The following ETV6 variants were observed in gnomAD, a reference collection of about 807,000 sequenced individuals.
The protein encoded by ETV6 is ETS variant transcription factor 6.
In ETV6, 16 loss-of-function variants were observed where a neutral mutation model predicts 51.1. The observed-to-expected ratio is 0.31, with a 90% CI of 0.21 to 0.48. The LOEUF (loss-of-function observed/expected upper bound fraction) is 0.48. Ranked by LOEUF, ETV6 falls within the 20% of genes least tolerant of loss-of-function variation. The probability of loss-of-function intolerance (pLI) is 0.99; values close to 1 mark genes in which losing one functional copy is unlikely to be tolerated. For synonymous variants in ETV6, 240 were observed against 224.1 expected, an observed-to-expected ratio of 1.07 and a Z score of -0.64; for missense variants, 458 against 594.8, an observed-to-expected ratio of 0.77 and a Z score of 2.39.
rs148815056 is a variant in ETV6, at chr12:11,758,969, C to A, written c.163+6390C>A. Among the ~76,000 whole-genome samples, 517 of 152,282 alleles carry A rather than the reference C, an allele frequency of 3.4e-3. 2 individuals carry two copies. Among genetic ancestry groups the A allele is most frequent in the Non-Finnish European group, 6.8e-3 (465 of 68,028 alleles). On this transcript the variant is annotated intron_variant, in intron 2 of 7. Coordinates refer to ENST00000396373, the MANE Select transcript of ETV6 (RefSeq NM_001987.5). ...GCGGCACATGTGGCTGTACGAGGGC[C>A]CTGGTTAGCTGCTTCAAACAGCTTG... is the stretch of plus-strand genomic sequence containing the variant.
At chr12:11,714,365 T>G (rs1430659148) in intron 1 of ETV6, among the ~76,000 whole-genome samples, 1 of 152,196 alleles carries the variant, frequency 6.6e-6, no homozygotes, top group African/African-American at 2.4e-5. Flanking sequence ...TGGGCTTGCC[T>G]CCAGTTCTCT....
intron 1 of ETV6, among the ~76,000 whole-genome samples, chr12:11,660,491 C>T (rs147557725): frequency 0.015 from 2,165 of 147,812 alleles, 44 homozygotes; most frequent in African/African-American, 0.052. Context: ...CCCAGCTACT[C>T]GGGAGGCTGA....
chr12:11,795,065 A>T (rs774127150), intron 2 of ETV6, among the ~76,000 whole-genome samples: 1 of 152,250 alleles, frequency 6.6e-6, no homozygotes, highest in Non-Finnish European at 1.5e-5. Context: ...CTGTTCAGGG[A>T]TAGTCTAAGA....
At chr12:11,789,856 T>C (rs1945554668) in intron 2 of ETV6, among the ~76,000 whole-genome samples, 1 of 152,288 alleles carries the variant, frequency 6.6e-6, no homozygotes, top group East Asian at 1.9e-4. Context: ...GGAAGCATTT[T>C]TTTATTCCCC....
chr12:11,685,322 GAAA>G (rs542402101), intron 1 of ETV6, among the ~76,000 whole-genome samples: 2 of 94,154 alleles, frequency 2.1e-5, no homozygotes, highest in African/African-American at 8.0e-5. Context: ...GAACATTTCA[GAAA>G]AAAAAAAAAA....
intron 1 of ETV6, among the ~76,000 whole-genome samples, chr12:11,688,488 T>C (rs1326191708): frequency 6.6e-6 from 1 of 152,174 alleles, no homozygotes; most frequent in Non-Finnish European, 1.5e-5. Flanking sequence ...AAGGGATGGA[T>C]ATCTACAAAA....
chr12:11,733,238 C>T (rs754936199), intron 1 of ETV6, among the ~76,000 whole-genome samples: 4 of 151,988 alleles, frequency 2.6e-5, no homozygotes, highest in Non-Finnish European at 5.9e-5. Context: ...GAAACCCTGT[C>T]TCTACTAAAA....
intron 1 of ETV6, among the ~76,000 whole-genome samples, chr12:11,660,230 G>A (rs185004612): frequency 1.3e-5 from 2 of 152,274 alleles, no homozygotes; most frequent in African/African-American, 2.4e-5. Context: ...AATAAGTATG[G>A]TCTCAAGCCT....
At chr12:11,786,310 G>A (rs1945483160) in intron 2 of ETV6, among the ~76,000 whole-genome samples, 1 of 145,950 alleles carries the variant, frequency 6.9e-6, no homozygotes, top group Non-Finnish European at 1.5e-5. Context: ...CACAAAATCT[G>A]TTATCAATTA....
At chr12:11,721,353 G>C (rs1265936274) in intron 1 of ETV6, among the ~76,000 whole-genome samples, 2 of 152,130 alleles carry the variant, frequency 1.3e-5, no homozygotes, top group Non-Finnish European at 2.9e-5. Context: ...TTTTAATGTG[G>C]TACATATACA....
chr12:11,759,785 G>A lies in ETV6; in HGVS notation c.163+7206G>A, dbSNP rs561733272. Among the ~76,000 whole-genome samples, 124 of 149,222 alleles carry A rather than the reference G, an allele frequency of 8.3e-4. 1 individual carries two copies. In the East Asian group the frequency reaches 0.021, roughly 25 times the overall value. ...AAAGGTTCAGTGTGTTGGCTTGAAT[G>A]TGCTTCTCTAAGTTACTTCTCACCT... On this transcript the variant is annotated intron_variant, in intron 2 of 7. Transcript: ENST00000396373.
intron 1 of ETV6, among the ~76,000 whole-genome samples, chr12:11,737,344 A>G (rs888184644): frequency 3.3e-5 from 5 of 152,324 alleles, no homozygotes; most frequent in African/African-American, 1.2e-4. Flanking sequence ...TAGACTCTGC[A>G]CGCAGTTCTA....
At chr12:11,704,866 A>T (rs1172889215) in intron 1 of ETV6, among the ~76,000 whole-genome samples, 1 of 152,180 alleles carries the variant, frequency 6.6e-6, no homozygotes, top group African/African-American at 2.4e-5. Flanking sequence ...ATTAAGCCTT[A>T]AAAAAGGAGA....
intron 1 of ETV6, among the ~76,000 whole-genome samples, chr12:11,725,999 G>A (rs1828127889): frequency 6.6e-6 from 1 of 152,170 alleles, no homozygotes; most frequent in South Asian, 2.1e-4. Context: ...ACATGACTAA[G>A]ACAGTTAACT....
In ETV6 at chr12:11,696,504, G is replaced by A. The variant is rs183169592; in HGVS notation, c.33+46344G>A. Among the ~76,000 whole-genome samples, 106 of 152,226 alleles carry A rather than the reference G, an allele frequency of 7.0e-4. 1 individual carries two copies. Among genetic ancestry groups the A allele is most frequent in the African/African-American group, 2.4e-3 (101 of 41,524 alleles). ...CATCTAAAGTACCAATAACCCACCT[G>A]GCCCATAGTAAATGCTCAATAAATA... is the stretch of plus-strand genomic sequence containing the variant. On this transcript the variant is annotated intron_variant, in intron 1 of 7. Coordinates refer to ENST00000396373, the MANE Select transcript of ETV6 (RefSeq NM_001987.5).
At chr12:11,850,990 T>C (rs1413057630) in intron 3 of ETV6, among the ~76,000 whole-genome samples, 1 of 152,176 alleles carries the variant, frequency 6.6e-6, no homozygotes, top group Admixed American at 6.5e-5. Context: ...TTAACCCTCA[T>C]AGCAAATGCT....
chr12:11,818,785 C>T (rs913570417), intron 2 of ETV6, among the ~76,000 whole-genome samples: 1 of 151,936 alleles, frequency 6.6e-6, no homozygotes. Flanking sequence ...GTTCTGGAGT[C>T]CCTCCTACCC....
intron 1 of ETV6, among the ~76,000 whole-genome samples, chr12:11,697,489 T>A (rs1055658690): frequency 6.6e-6 from 1 of 152,246 alleles, no homozygotes; most frequent in African/African-American, 2.4e-5. Flanking sequence ...TTGACTTCTG[T>A]GGGCCTTGCA....
At position 11,891,003 on chromosome 12, in the gene ETV6, C is replaced by T; in HGVS notation, c.1316C>T (p.Ser439Phe). ...GRTDRLEHLE[S>F]QELDEQIYQE... Reference sequence around the variant, plus strand: ...ACAGACCGTCTGGAGCACCTAGAGTCCCAGGAGCTGGATGAACAAATATAC... The same window carrying T: ...ACAGACCGTCTGGAGCACCTAGAGTTCCAGGAGCTGGATGAACAAATATAC... The change falls in exon 8 of 8, where the codon TCC (serine) becomes TTC (phenylalanine). Residue 439 changes from serine to phenylalanine, a missense_variant. Coordinates refer to ENST00000396373, the MANE Select transcript of ETV6 (RefSeq NM_001987.5). 2 of 1,613,830 alleles carry T rather than the reference C, an allele frequency of 1.2e-6. No homozygotes were observed. The highest frequency in any genetic ancestry group is 1.7e-6 in the Non-Finnish European group (2 of 1,179,796).
Sources: gnomAD v4.1 joint callset for allele counts (sites outside exome capture counted in the v4.1 genomes callset) on GRCh38, gnomAD v4.1.1 for gene constraint, MANE v1.5 for transcripts, NCBI Gene and HGNC (gene_info 2026-07-23, HGNC 2026-07-21) for gene names.